Variants in PAXBP1 observed in about 807,000 individuals in gnomAD.
The protein encoded by PAXBP1 is PAX3- and PAX7-binding protein 1.
A neutral mutation model predicts 119.9 loss-of-function variants in PAXBP1; 44 were observed. The ratio of observed to expected loss-of-function variants is 0.37; its 90% CI spans 0.29 to 0.47. The LOEUF is 0.47. Ranked by LOEUF, PAXBP1 falls within the 20% of genes least tolerant of loss-of-function variation. The pLI is 0.99. For synonymous variants in PAXBP1, 393 were observed against 406.6 expected (o/e 0.97, Z 0.40); for missense variants, 898 against 1,134.1 (o/e 0.79, Z 2.99).
At position 32,744,921 on chromosome 21, in the gene PAXBP1, G is replaced by GA. The variant is rs1308442171; in HGVS notation, c.2069-9dup. On this transcript the variant is annotated splice_polypyrimidine_tract_variant and intron_variant, in intron 12 of 17. Coordinates refer to ENST00000331923, the MANE Select transcript of PAXBP1 (RefSeq NM_016631.4). Reference sequence around the variant, plus strand: ...ACATATTTTCAGCTATCACTATTAAGAAAAAAAGAGGATTGAGACACAGAA... The same window carrying GA: ...ACATATTTTCAGCTATCACTATTAAGAAAAAAAAGAGGATTGAGACACAGAA... The GA allele has an allele frequency of 2.5e-6, 4 of 1,592,132 alleles. No individual in the cohort carries two copies. Among genetic ancestry groups the GA allele is most frequent in the South Asian group, 1.2e-5 (1 of 85,426 alleles).
rs778420280 is a variant in PAXBP1 at position 32,751,177 on chromosome 21, C to T, written c.1549G>A (p.Asp517Asn). The T allele has an allele frequency of 9.3e-6, 15 of 1,613,976 alleles. No homozygotes were observed. Among genetic ancestry groups the T allele is most frequent in the East Asian group, 2.2e-5 (1 of 44,892 alleles). The change falls in exon 9 of 18, where the codon GAT (aspartate) becomes AAT (asparagine). Residue 517 changes from aspartate (D) to asparagine (N), a missense_variant. Asp to Asn is a conservative substitution (Grantham distance 23, BLOSUM62 1). Around this residue, in one of 2 missense-constraint regions of PAXBP1, gnomAD observed 599 missense variants for 852.7 expected, o/e 0.70. Coordinates refer to ENST00000331923, the MANE Select transcript of PAXBP1 (RefSeq NM_016631.4). Reference sequence around the variant, plus strand: ...GCATGCTCTTGATACAGTGCCCGATCGCGTCCAAAGGAGTCAAGATTTGGT... The same window carrying T: ...GCATGCTCTTGATACAGTGCCCGATTGCGTCCAAAGGAGTCAAGATTTGGT... ...MAPNLDSFGR[D>N]RALYQEHAKR...
chr21:32,749,110 C>T (rs543591808), intron 10 of PAXBP1, among the ~76,000 whole-genome samples: 6 of 152,248 alleles, frequency 3.9e-5, no homozygotes, highest in South Asian at 2.1e-4. Context: ...CATTCAAACT[C>T]TGTTGGTGAT....
intron 5 of PAXBP1, among the ~76,000 whole-genome samples, chr21:32,760,218 G>T (rs1008574480): frequency 6.6e-6 from 1 of 152,064 alleles, no homozygotes; most frequent in African/African-American, 2.4e-5. Flanking sequence ...GAAAAACAGA[G>T]TTCAGAGTTG....
intron 15 of PAXBP1, 92 bp from the exon 16 acceptor site, chr21:32,738,411 C>T: frequency 9.6e-7 from 1 of 1,037,016 alleles, no homozygotes; most frequent in South Asian, 1.6e-5. Context: ...TGAAATACAG[C>T]AGACCATGTC....
chr21:32,750,810 TG>T, intron 10 of PAXBP1, 106 bp downstream of exon 10: 1 of 783,734 alleles, frequency 1.3e-6, no homozygotes, highest in Non-Finnish European at 2.0e-6. Flanking sequence ...AAGAAGTGTC[TG>T]GTTCTAATGC....
chr21:32,739,382 A>G (rs2043740271), intron 15 of PAXBP1, among the ~76,000 whole-genome samples: 1 of 152,214 alleles, frequency 6.6e-6, no homozygotes, highest in Non-Finnish European at 1.5e-5. Flanking sequence ...CCCCATCAGT[A>G]AAGTGAAAAA....
Position 32,734,707 on chromosome 21 carries a change from C to A in PAXBP1, c.*243G>T. The A allele has an allele frequency of 2.0e-6, 1 of 503,126 alleles. No individual in the cohort carries two copies. Among genetic ancestry groups the A allele is most frequent in the Non-Finnish European group, 3.5e-6 (1 of 283,414 alleles). 31.2% of individuals were successfully genotyped at this position (503,126 alleles called of 1,614,324 possible). A position where few individuals can be genotyped will look rare whatever the true frequency, so the allele number is the denominator to read the frequency against. Reference sequence around the variant, plus strand: ...TAACTGAGAGGGTTAATTTAAATGACCATACAAAATACTTCAGTAAACAAA... The same window carrying A: ...TAACTGAGAGGGTTAATTTAAATGAACATACAAAATACTTCAGTAAACAAA... On this transcript the variant is annotated 3_prime_UTR_variant, in exon 18 of 18. Coordinates refer to ENST00000331923, the MANE Select transcript of PAXBP1 (RefSeq NM_016631.4).
intron 7 of PAXBP1, 120 bp from the exon 8 acceptor site, chr21:32,755,473 A>C (rs1278235736): frequency 3.1e-6 from 4 of 1,310,336 alleles, no homozygotes; most frequent in Non-Finnish European, 4.1e-6. Context: ...ATAATCATGA[A>C]TCCCCAACAG....
intron 15 of PAXBP1, 111 bp from the exon 16 acceptor site, chr21:32,738,430 G>C (rs2043724829): frequency 2.4e-6 from 2 of 826,648 alleles, no homozygotes; most frequent in Non-Finnish European, 3.7e-6. Flanking sequence ...TCTTGCCAAA[G>C]TACTAAGAAA....
chr21:32,741,376 AG>A, intron 15 of PAXBP1: 2 of 497,556 alleles, frequency 4.0e-6, no homozygotes, highest in Admixed American at 6.0e-5. Context: ...ATTTGATCAC[AG>A]TTTTATGTAA....
intron 15 of PAXBP1, chr21:32,742,552 G>C (rs1456946679): frequency 2.0e-5 from 3 of 152,630 alleles, no homozygotes; most frequent in Non-Finnish European, 4.4e-5. Flanking sequence ...ACATTACCTT[G>C]AATGTCCCCT....
In PAXBP1 at chr21:32,758,945, A is replaced by G. The variant is rs1601602613; in HGVS notation, c.1383+135T>C. 4 of 814,066 alleles carry G rather than the reference A, an allele frequency of 4.9e-6. No homozygotes were observed. In the East Asian group the frequency reaches 1.0e-4, roughly 21 times the overall value. The allele number at this position is 814,066 out of a possible 1,614,324, so 50.4% of individuals were successfully genotyped here. ...GCCACTAATGAAGTGAAGAAAAATGAAGCATGACTTTTCATCACTTCTAAT... is the reference window on the plus strand; with the variant it reads ...GCCACTAATGAAGTGAAGAAAAATGGAGCATGACTTTTCATCACTTCTAAT... On this transcript the variant is annotated intron_variant, in intron 7 of 17. Transcript: ENST00000331923.
chr21:32,760,902 C>CGTGCGCGTGTGT (rs1491165069), intron 5 of PAXBP1, among the ~76,000 whole-genome samples, 157 bp downstream of exon 5: 3 of 127,788 alleles, frequency 2.3e-5, no homozygotes, highest in Non-Finnish European at 5.0e-5. Context: ...TGCGTGCGTG[C>CGTGCGCGTGTGT]GTGTGTGTGT....
In PAXBP1 at chr21:32,745,022, A is replaced by T. The variant is rs185366708; in HGVS notation, c.2069-109T>A. On this transcript the variant is annotated intron_variant, in intron 12 of 17. Coordinates refer to ENST00000331923, the MANE Select transcript of PAXBP1 (RefSeq NM_016631.4). The stretch of plus-strand genomic sequence containing the variant: ...CCTAATTTATTTTTCCTCTTTTTCT[A>T]CAATATAAGCTTTAGTCTTCTTTGT... The T allele has an allele frequency of 4.2e-4, 520 of 1,229,476 alleles. 3 individuals are homozygous for T. The African/African-American group carries it at 7.4e-3, about 18-fold the overall frequency. 76.2% of individuals were successfully genotyped at this position (1,229,476 alleles called of 1,614,324 possible).
In PAXBP1 at chr21:32,738,077, G is replaced by A. The variant is rs1046401429; in HGVS notation, c.2481+96C>T. 3.2e-6 allele frequency: 4 copies of A among 1,231,182 alleles called. No homozygotes were observed. In the African/African-American group the frequency reaches 6.3e-5, roughly 19 times the overall value. The allele number at this position is 1,231,182 out of a possible 1,614,324, so 76.3% of individuals were successfully genotyped here. A position where few individuals can be genotyped will look rare whatever the true frequency, so the allele number is the denominator to read the frequency against. ...TACATGCAAGTCCAGTAATCAAAGGGGTTTCATAAAATTCTCAAATCCCTC... is the reference window on the plus strand; with the variant it reads ...TACATGCAAGTCCAGTAATCAAAGGAGTTTCATAAAATTCTCAAATCCCTC... On this transcript the variant is annotated intron_variant, in intron 16 of 17. Coordinates refer to ENST00000331923, the MANE Select transcript of PAXBP1 (RefSeq NM_016631.4).
In PAXBP1 at chr21:32,751,155, T is replaced by C. The variant is rs1459980350; in HGVS notation, c.1571A>G (p.His524Arg). The C allele has an allele frequency of 6.2e-7, 1 of 1,614,012 alleles. No homozygotes were observed. Among genetic ancestry groups the C allele is most frequent in the South Asian group, 1.1e-5 (1 of 91,084 alleles). Residue 524 changes from histidine (H) to arginine (R), a missense_variant, in exon 9 of 18, where the codon CAT (histidine) becomes CGT (arginine). Physicochemically the swap from His to Arg is conservative, Grantham distance 29. Coordinates refer to ENST00000331923, the MANE Select transcript of PAXBP1 (RefSeq NM_016631.4). ...CCGCTCTGCAATGCGACGTTTTGCA[T>C]GCTCTTGATACAGTGCCCGATCGCG... ...FGRDRALYQE[H>R]AKRRIAEREA...
chr21:32,765,613 T>C (rs1160450327), intron 2 of PAXBP1, among the ~76,000 whole-genome samples: 1 of 152,192 alleles, frequency 6.6e-6, no homozygotes, highest in African/African-American at 2.4e-5. Flanking sequence ...AACCATACTG[T>C]ACTCCCTTAA....
At chr21:32,756,156 G>C (rs1378449893) in intron 7 of PAXBP1, 2 of 363,216 alleles carry the variant, frequency 5.5e-6, no homozygotes, top group Non-Finnish European at 1.1e-5. Context: ...AAGAACATGA[G>C]AGCTAACTTA....
intron 3 of PAXBP1, among the ~76,000 whole-genome samples, chr21:32,763,618 A>T (rs2044187770): frequency 6.6e-6 from 1 of 152,214 alleles, no homozygotes; most frequent in Non-Finnish European, 1.5e-5. Context: ...TATTTATTCA[A>T]AGGCTGATTA....
Sources: allele counts gnomAD v4.1 joint callset (sites outside exome capture counted in the v4.1 genomes callset), GRCh38; gene constraint gnomAD v4.1.1; regional missense constraint gnomAD v4.1.1; transcripts MANE v1.5; gene names NCBI Gene and HGNC (gene_info 2026-07-23, HGNC 2026-07-21).